The following LRRC4C variants were observed in gnomAD, a reference collection of about 807,000 sequenced individuals.
The protein encoded by LRRC4C is leucine-rich repeat-containing protein 4C.
Under a neutral mutation model 33.6 loss-of-function variants are expected in LRRC4C, and 5 were observed. The ratio of observed to expected loss-of-function variants is 0.15; its 90% CI spans 0.08 to 0.31. LRRC4C has a LOEUF of 0.31. LRRC4C is among the 10% of genes least tolerant of loss of function. The probability of loss-of-function intolerance (pLI) is 1.00; values close to 1 mark genes in which losing one functional copy is unlikely to be tolerated. For missense variants in LRRC4C, 560 were observed against 796.7 expected (o/e 0.70, Z 3.58); for synonymous variants, 329 against 302.0 (o/e 1.09, Z -0.93).
intron 1 of LRRC4C, among the ~76,000 whole-genome samples, chr11:41,447,331 C>T (rs965908712): frequency 2.0e-5 from 3 of 152,152 alleles, no homozygotes; most frequent in African/African-American, 7.2e-5. Flanking sequence ...AGAATCAATA[C>T]ATGAAATATG....
intron 5 of LRRC4C, among the ~76,000 whole-genome samples, chr11:40,205,214 A>G (rs1365322878): frequency 6.6e-6 from 1 of 152,204 alleles, no homozygotes; most frequent in East Asian, 1.9e-4. Flanking sequence ...AGAAGAGGCA[A>G]CTAAAGGGGT....
chr11:41,217,578 TC>T (rs1199506539), intron 1 of LRRC4C, among the ~76,000 whole-genome samples: 4 of 152,186 alleles, frequency 2.6e-5, no homozygotes, highest in African/African-American at 9.7e-5. Flanking sequence ...AGAATTGTAT[TC>T]TAAAAATAGA....
intron 2 of LRRC4C, among the ~76,000 whole-genome samples, chr11:40,788,706 C>T (rs1163517930): frequency 6.6e-6 from 1 of 152,116 alleles, no homozygotes; most frequent in Non-Finnish European, 1.5e-5. Flanking sequence ...AGTTATAATG[C>T]TTCTCTCTTC....
intron 1 of LRRC4C, among the ~76,000 whole-genome samples, chr11:41,148,703 C>T (rs1050272918): frequency 3.3e-4 from 50 of 152,086 alleles, no homozygotes; most frequent in African/African-American, 1.2e-3. Context: ...CATTTAGGAG[C>T]CCATCAAGTT....
intron 4 of LRRC4C, among the ~76,000 whole-genome samples, chr11:40,250,567 C>T (rs1866708616): frequency 1.3e-5 from 2 of 151,870 alleles, no homozygotes; most frequent in East Asian, 3.9e-4. Flanking sequence ...TGGTGAAAAC[C>T]TGCCTCTACT....
intron 1 of LRRC4C, among the ~76,000 whole-genome samples, chr11:41,336,002 G>A (rs1296386768): frequency 1.3e-5 from 2 of 152,140 alleles, no homozygotes; most frequent in South Asian, 2.1e-4. Context: ...TTTATTTATG[G>A]AGCAAAGGTA....
chr11:41,097,657 AT>A (rs1285360654), intron 1 of LRRC4C, among the ~76,000 whole-genome samples: 1 of 152,170 alleles, frequency 6.6e-6, no homozygotes, highest in Non-Finnish European at 1.5e-5. Context: ...ACCAGGACCA[AT>A]TTTATCAGTC....
chr11:41,010,030 T>C (rs1006308483), intron 1 of LRRC4C, among the ~76,000 whole-genome samples: 4 of 152,032 alleles, frequency 2.6e-5, no homozygotes, highest in African/African-American at 9.7e-5. Flanking sequence ...GAGAAAGTCA[T>C]GTGACTATAA....
chr11:40,295,472 G>A (rs1006121256), intron 4 of LRRC4C, among the ~76,000 whole-genome samples: 11 of 152,088 alleles, frequency 7.2e-5, no homozygotes, highest in African/African-American at 2.7e-4. Flanking sequence ...AAATCATAAC[G>A]GAAGGTAGCA....
chr11:41,337,294 C>T (rs1167282980), intron 1 of LRRC4C, among the ~76,000 whole-genome samples: 1 of 152,130 alleles, frequency 6.6e-6, no homozygotes, highest in Admixed American at 6.5e-5. Flanking sequence ...AATACTCCTG[C>T]CCTGACCTCT....
At chr11:40,451,366 C>CTTTTTTTTTTTTT (rs71060962) in intron 3 of LRRC4C, among the ~76,000 whole-genome samples, 1 of 47,058 alleles carries the variant, frequency 2.1e-5, no homozygotes, top group African/African-American at 9.3e-5. Flanking sequence ...GAAATAATGA[C>CTTTTTTTTTTTTT]TTTTTTTTTT....
At chr11:41,176,022 T>C (rs887310085) in intron 1 of LRRC4C, among the ~76,000 whole-genome samples, 1 of 152,066 alleles carries the variant, frequency 6.6e-6, no homozygotes, top group African/African-American at 2.4e-5. Flanking sequence ...CTGACTATAA[T>C]AGAATATTTT....
chr11:40,392,264 C>T (rs1230192205), intron 3 of LRRC4C, among the ~76,000 whole-genome samples: 2 of 151,986 alleles, frequency 1.3e-5, no homozygotes, highest in Non-Finnish European at 2.9e-5. Flanking sequence ...TTTAGCAAAA[C>T]GTATATAATA....
At chr11:41,164,316 T>C (rs745735248) in intron 1 of LRRC4C, among the ~76,000 whole-genome samples, 17 of 151,962 alleles carry the variant, frequency 1.1e-4, no homozygotes, top group Non-Finnish European at 2.1e-4. Flanking sequence ...CTTGTTCCAG[T>C]AGAAAGTCTT....
chr11:40,448,411 C>T (rs868617238), intron 3 of LRRC4C, among the ~76,000 whole-genome samples: 1 of 152,020 alleles, frequency 6.6e-6, no homozygotes, highest in African/African-American at 2.4e-5. Flanking sequence ...GCTCCCCACC[C>T]CCCGACAGGC....
intron 3 of LRRC4C, among the ~76,000 whole-genome samples, chr11:40,328,308 C>G (rs941208811): frequency 6.6e-6 from 1 of 152,112 alleles, no homozygotes; most frequent in Non-Finnish European, 1.5e-5. Context: ...CTGCTAGGCT[C>G]TCCGTTTTTT....
chr11:40,621,024 A>G (rs536843404), intron 3 of LRRC4C, among the ~76,000 whole-genome samples: 2 of 151,556 alleles, frequency 1.3e-5, no homozygotes, highest in South Asian at 2.1e-4. Context: ...TATACCACCA[A>G]ATTTAATCTA....
At chr11:40,732,197 A>G (rs1295166603) in intron 2 of LRRC4C, among the ~76,000 whole-genome samples, 3 of 152,204 alleles carry the variant, frequency 2.0e-5, no homozygotes, top group African/African-American at 7.2e-5. Flanking sequence ...CAGTTTGTGC[A>G]ACCATTATCA....
chr11:41,068,415 T>C, intron 1 of LRRC4C, among the ~76,000 whole-genome samples: 1 of 151,178 alleles, frequency 6.6e-6, no homozygotes, highest in Non-Finnish European at 1.5e-5. Flanking sequence ...AAAAAATAAA[T>C]AAATAAAATA....
Sources: gnomAD v4.1 joint callset for allele counts (sites outside exome capture counted in the v4.1 genomes callset) on GRCh38, gnomAD v4.1.1 for gene constraint, MANE v1.5 for transcripts, NCBI Gene and HGNC (gene_info 2026-07-23, HGNC 2026-07-21) for gene names.